Variants in CMC2 observed in about 807,000 individuals in gnomAD.
The protein encoded by CMC2 is C-X9-C motif containing 2, also known as COX assembly mitochondrial protein 2 homolog.
Under a neutral mutation model 7.5 loss-of-function variants are expected in CMC2, and 5 were observed. That is an observed-to-expected ratio of 0.66 (90% CI 0.35 to 1.40). The LOEUF (loss-of-function observed/expected upper bound fraction) is 1.40, where lower values mean the gene tolerates loss of function less well. Among genes scored for constraint, CMC2 ranks in the 40% most tolerant of loss-of-function variants. The probability of loss-of-function intolerance (pLI) is 0.04; values close to 1 mark genes in which losing one functional copy is unlikely to be tolerated. For synonymous variants in CMC2, 37 were observed against 31.4 expected, an observed-to-expected ratio of 1.18 and a Z score of -0.60; for missense variants, 115 against 92.3, an observed-to-expected ratio of 1.25 and a Z score of -1.01.
Position 81,006,735 on chromosome 16 carries a change from C to G in CMC2, c.-37G>C. 5 of 985,592 alleles carry G rather than the reference C, an allele frequency of 5.1e-6. No homozygotes were observed. Among genetic ancestry groups the G allele is most frequent in the Non-Finnish European group, 6.0e-6 (5 of 830,088 alleles). The allele number at this position is 985,592 out of a possible 1,614,324, so 61.1% of individuals were successfully genotyped here. On this transcript the variant is annotated splice_region_variant and 5_prime_UTR_variant, in exon 1 of 4. Coordinates refer to ENST00000219400, the MANE Select transcript of CMC2 (RefSeq NM_020188.5). ...ACGGCCTGGACTCCCGAGACTCACC[C>G]GACTCGTGGCCACACCGGGAGAACT...
In CMC2 at chr16:80,978,714, GA is replaced by G. The variant is rs1042869866; in HGVS notation, c.154-2536del. Among the ~76,000 whole-genome samples the G allele has an allele frequency of 4.7e-3, 653 of 139,112 alleles. 14 individuals are homozygous for G. The highest frequency in any genetic ancestry group is 1.7e-3 in the Non-Finnish European group (108 of 63,250). 91.3% of individuals were successfully genotyped at this position (139,112 alleles called of 152,430 possible). ...CAAGACTCCATCTCTCTAAAAAAAA[GA>G]AAAAAAAAAAGAATAAAAGGAGTGA... On this transcript the variant is annotated intron_variant, in intron 3 of 3. Coordinates refer to ENST00000219400, the MANE Select transcript of CMC2 (RefSeq NM_020188.5).
chr16:80,977,104 T>C (rs1912479067), intron 3 of CMC2, among the ~76,000 whole-genome samples: 1 of 152,222 alleles, frequency 6.6e-6, no homozygotes, highest in Non-Finnish European at 1.5e-5. Context: ...ATTATCCTAT[T>C]GACTCATATG....
intron 1 of CMC2, among the ~76,000 whole-genome samples, chr16:81,005,921 G>C (rs920334764): frequency 1.3e-5 from 2 of 152,216 alleles, no homozygotes; most frequent in African/African-American, 2.4e-5. Context: ...TTCGCGGAAT[G>C]TCAGAAACTG....
intron 1 of CMC2, 58 bp from the exon 2 acceptor site, chr16:80,997,487 G>C: frequency 2.2e-6 from 2 of 895,430 alleles, no homozygotes; most frequent in South Asian, 2.7e-5. Flanking sequence ...CCACCTAAAA[G>C]TATCTTCATA....
intron 2 of CMC2, among the ~76,000 whole-genome samples, chr16:80,991,060 T>C (rs905322847): frequency 2.0e-5 from 3 of 150,292 alleles, no homozygotes; most frequent in African/African-American, 2.5e-5. Flanking sequence ...CACTGCCAAC[T>C]GAAAGACTCT....
Position 80,972,734 on chromosome 16 carries a change from A to G in CMC2, c.*3359T>C, listed in dbSNP as rs922099983. ...CCCAAAAGTTTACTTATCGTCTGCAAGTCCACAGTAAGGAAATCTCTTCCT... is the reference window on the plus strand; with the variant it reads ...CCCAAAAGTTTACTTATCGTCTGCAGGTCCACAGTAAGGAAATCTCTTCCT... On this transcript the variant is annotated 3_prime_UTR_variant, in exon 4 of 4. Coordinates refer to ENST00000219400, the MANE Select transcript of CMC2 (RefSeq NM_020188.5). 2.6e-5 allele frequency: 4 copies of G among 152,226 alleles called. No homozygotes were observed. In the East Asian group the frequency reaches 7.7e-4, roughly 29 times the overall value. 9.4% of individuals were successfully genotyped at this position (152,226 alleles called of 1,614,324 possible).
At chr16:81,000,419 C>T (rs1304882436) in intron 1 of CMC2, among the ~76,000 whole-genome samples, 1 of 152,074 alleles carries the variant, frequency 6.6e-6, no homozygotes, top group East Asian at 1.9e-4. Flanking sequence ...TCGCTTGAAC[C>T]CAGGAGGCGG....
At chr16:80,989,528 T>C (rs921500495) in intron 2 of CMC2, among the ~76,000 whole-genome samples, 2 of 152,208 alleles carry the variant, frequency 1.3e-5, no homozygotes, top group Admixed American at 1.3e-4. Flanking sequence ...ATGTTGCAGG[T>C]TCTTCTTGTT....
chr16:80,990,871 T>C (rs1003709699), intron 2 of CMC2, among the ~76,000 whole-genome samples: 6 of 152,060 alleles, frequency 3.9e-5, no homozygotes, highest in Non-Finnish European at 8.8e-5. Flanking sequence ...ACTACAGGCA[T>C]GTGTCATCTA....
At chr16:80,988,208 C>A (rs1299674489) in intron 2 of CMC2, among the ~76,000 whole-genome samples, 1 of 151,954 alleles carries the variant, frequency 6.6e-6, no homozygotes, top group Non-Finnish European at 1.5e-5. Context: ...TAACTTTTCC[C>A]CCCCAGATAT....
rs1911823896 is a variant in CMC2 at position 80,970,225 on chromosome 16, A to G, written c.*5868T>C. On this transcript the variant is annotated 3_prime_UTR_variant, in exon 4 of 4. Coordinates refer to ENST00000219400, the MANE Select transcript of CMC2 (RefSeq NM_020188.5). ...CCCCACCATTTCTGCTCTGATCCAT[A>G]CCAGAAAATGGATGCTTCATGGACC... The G allele has an allele frequency of 6.6e-6, 1 of 152,200 alleles. No individual in the cohort carries two copies. The highest frequency in any genetic ancestry group is 2.4e-5 in the African/African-American group (1 of 41,454). 9.4% of individuals were successfully genotyped at this position (152,200 alleles called of 1,614,324 possible). A position where few individuals can be genotyped will look rare whatever the true frequency, so the allele number is the denominator to read the frequency against.
At chr16:80,980,239 G>A (rs79219098) in intron 3 of CMC2, among the ~76,000 whole-genome samples, 3 of 151,996 alleles carry the variant, frequency 2.0e-5, no homozygotes, top group Non-Finnish European at 4.4e-5. Context: ...CATCACCCTA[G>A]GTGTATTTTT....
At chr16:80,981,733 G>T in intron 3 of CMC2, 73 bp downstream of exon 3, 2 of 881,822 alleles carry the variant, frequency 2.3e-6, no homozygotes, top group South Asian at 1.9e-5. Flanking sequence ...TTCAATAATG[G>T]CAGTAATACA....
chr16:80,979,464 A>C (rs548186879), intron 3 of CMC2, among the ~76,000 whole-genome samples: 2 of 152,294 alleles, frequency 1.3e-5, no homozygotes, highest in Non-Finnish European at 2.9e-5. Flanking sequence ...AGCAGTGGCA[A>C]AATTTCTGAA....
intron 3 of CMC2, among the ~76,000 whole-genome samples, chr16:80,977,697 T>C (rs1912584322): frequency 6.6e-6 from 1 of 152,226 alleles, no homozygotes; most frequent in Non-Finnish European, 1.5e-5. Flanking sequence ...AGAAGTTTTC[T>C]AGGTCAAAAG....
intron 3 of CMC2, among the ~76,000 whole-genome samples, chr16:80,976,946 C>G (rs1024675261): frequency 6.6e-6 from 1 of 151,980 alleles, no homozygotes; most frequent in African/African-American, 2.4e-5. Flanking sequence ...CATTAATGCC[C>G]CTTACCAAAA....
chr16:80,979,577 AT>A (rs1966953995), intron 3 of CMC2, among the ~76,000 whole-genome samples: 1 of 151,902 alleles, frequency 6.6e-6, no homozygotes, highest in African/African-American at 2.4e-5. Flanking sequence ...TATGAGCTAT[AT>A]TTTTCCATAA....
intron 1 of CMC2, among the ~76,000 whole-genome samples, chr16:81,002,081 G>A (rs555216271): frequency 4.2e-4 from 64 of 152,270 alleles, no homozygotes; most frequent in Non-Finnish European, 7.4e-4. Context: ...CTACATTTAT[G>A]TGAAGTGTTA....
chr16:80,988,451 T>C, intron 2 of CMC2: 1 of 658,394 alleles, frequency 1.5e-6, no homozygotes, highest in East Asian at 2.7e-5. Flanking sequence ...TTTGTCAATT[T>C]CAAACTTGAA....
Sources: allele counts gnomAD v4.1 joint callset (sites outside exome capture counted in the v4.1 genomes callset), GRCh38; gene constraint gnomAD v4.1.1; transcripts MANE v1.5; gene names NCBI Gene and HGNC (gene_info 2026-07-23, HGNC 2026-07-21).